The following KLHL1 variants were observed in gnomAD, a reference collection of about 807,000 sequenced individuals.
KLHL1 encodes the protein kelch-like protein 1.
In KLHL1, 47 loss-of-function variants were observed where a neutral mutation model predicts 77.7. The ratio of observed to expected loss-of-function variants is 0.60; its 90% CI spans 0.48 to 0.77. The LOEUF is 0.77. KLHL1 is among the 30% of genes least tolerant of loss of function. KLHL1 has a pLI of 0.00. For synonymous variants in KLHL1, 360 were observed against 325.2 expected (o/e 1.11, Z -1.15); for missense variants, 925 against 910.8 (o/e 1.02, Z -0.20).
chr13:70,033,367 G>A (rs1378736249), intron 1 of KLHL1, among the ~76,000 whole-genome samples: 1 of 152,074 alleles, frequency 6.6e-6, no homozygotes, highest in East Asian at 1.9e-4. Context: ...TCGGCTCACT[G>A]TAAGCTCCGC....
At chr13:69,982,384 C>T (rs887870464) in intron 1 of KLHL1, among the ~76,000 whole-genome samples, 1 of 149,430 alleles carries the variant, frequency 6.7e-6, no homozygotes, top group African/African-American at 2.5e-5. Context: ...TGCAGTGAGC[C>T]AAGATTGCAC....
At chr13:69,913,145 C>G (rs1050743839) in intron 4 of KLHL1, among the ~76,000 whole-genome samples, 13 of 152,182 alleles carry the variant, frequency 8.5e-5, no homozygotes, top group East Asian at 7.7e-4. Context: ...AGGTCTCATA[C>G]AGATTAAGAC....
intron 5 of KLHL1, among the ~76,000 whole-genome samples, chr13:69,843,830 G>T (rs1347471848): frequency 6.6e-6 from 1 of 151,488 alleles, no homozygotes; most frequent in African/African-American, 2.4e-5. Flanking sequence ...TATACTTTAA[G>T]TTCTAGGGTA....
intron 5 of KLHL1, among the ~76,000 whole-genome samples, chr13:69,855,363 CATAG>C (rs1879862626): frequency 7.1e-6 from 1 of 139,868 alleles, no homozygotes; most frequent in African/African-American, 3.0e-5. Flanking sequence ...CAGATAGATA[CATAG>C]AGAGATAGAT....
At position 70,101,746 on chromosome 13, in the gene KLHL1, C is replaced by G. The variant is rs548385139; in HGVS notation, c.497+5457G>C. Among the ~76,000 whole-genome samples, 35 of 152,150 alleles carry G rather than the reference C, an allele frequency of 2.3e-4. 1 individual carries two copies. Among genetic ancestry groups the G allele is most frequent in the African/African-American group, 8.2e-4 (34 of 41,522 alleles). ...ACCTGGCCAACAGCCCTATTTCTTA[C>G]GATTGTTTTAGTTTCTCTAAAGCAC... On this transcript the variant is annotated intron_variant, in intron 1 of 10. Transcript: ENST00000377844.
chr13:69,796,859 G>A lies in KLHL1; in HGVS notation c.1518C>T (p.Asp506=). 1 of 1,614,106 alleles carries A rather than the reference G, an allele frequency of 6.2e-7. No homozygotes were observed. The highest frequency in any genetic ancestry group is 1.3e-5 in the African/African-American group (1 of 75,026). Residue 506 remains aspartate (D), a synonymous_variant, in exon 7 of 11, where the codon GAC becomes GAT. Transcript: ENST00000377844. ...RLQFGVAVID[D]KLFVIGGRDG... ...CTCGACCTCCAATTACAAAGAGTTT[G>A]TCATCAATAACAGCCACACCAAACT... is the stretch of plus-strand genomic sequence containing the variant.
chr13:69,797,104 G>A, intron 6 of KLHL1, 142 bp from the exon 7 acceptor site: 2 of 651,128 alleles, frequency 3.1e-6, no homozygotes, highest in Non-Finnish European at 5.3e-6. Flanking sequence ...AAAACAAAAG[G>A]AGTAGTAATT....
chr13:70,067,249 C>T (rs896797905), intron 1 of KLHL1, among the ~76,000 whole-genome samples: 6 of 152,106 alleles, frequency 3.9e-5, no homozygotes, highest in African/African-American at 1.4e-4. Flanking sequence ...GTGAAAGTAC[C>T]CTCTACTCAT....
intron 3 of KLHL1, among the ~76,000 whole-genome samples, chr13:69,954,082 C>T (rs796385035): frequency 1.1e-4 from 16 of 151,264 alleles, no homozygotes; most frequent in African/African-American, 3.4e-4. Context: ...AATGGAGAAG[C>T]CCAAGAGATA....
At chr13:69,730,676 A>T (rs1405482721) in intron 8 of KLHL1, among the ~76,000 whole-genome samples, 1 of 151,958 alleles carries the variant, frequency 6.6e-6, no homozygotes, top group Non-Finnish European at 1.5e-5. Flanking sequence ...GATTCAAGTA[A>T]TCCTCTCACC....
chr13:70,027,649 G>GTT (rs1185282462), intron 1 of KLHL1, among the ~76,000 whole-genome samples: 4 of 109,334 alleles, frequency 3.7e-5, no homozygotes, highest in East Asian at 2.8e-4. Context: ...CAAAATGTAA[G>GTT]TTGTTTTTTT....
chr13:69,979,930 A>G (rs1884659455), intron 1 of KLHL1, among the ~76,000 whole-genome samples: 1 of 152,180 alleles, frequency 6.6e-6, no homozygotes, highest in South Asian at 2.1e-4. Context: ...TCTTAACTTC[A>G]GTTCCTGACC....
intron 6 of KLHL1, among the ~76,000 whole-genome samples, chr13:69,834,346 TA>T (rs565424961): frequency 1.3e-5 from 2 of 151,758 alleles, no homozygotes; most frequent in African/African-American, 4.8e-5. Flanking sequence ...ATCTATTACT[TA>T]AAAAAAATCA....
chr13:69,992,354 T>C (rs1566480180), intron 1 of KLHL1, among the ~76,000 whole-genome samples: 2 of 152,036 alleles, frequency 1.3e-5, no homozygotes, highest in South Asian at 2.1e-4. Flanking sequence ...GGAAGACTAA[T>C]AATGACCAAA....
intron 6 of KLHL1, among the ~76,000 whole-genome samples, chr13:69,838,083 G>GATT (rs1176830493): frequency 6.6e-6 from 1 of 151,582 alleles, no homozygotes; most frequent in Non-Finnish European, 1.5e-5. Flanking sequence ...AAATGAGAAT[G>GATT]TGTCATTCTC....
At chr13:69,809,544 A>C (rs1273674461) in intron 6 of KLHL1, among the ~76,000 whole-genome samples, 1 of 152,144 alleles carries the variant, frequency 6.6e-6, no homozygotes, top group Non-Finnish European at 1.5e-5. Context: ...GCTCTATGAG[A>C]GATGCTTAAG....
chr13:69,802,547 A>C (rs9572292), intron 6 of KLHL1, among the ~76,000 whole-genome samples: 60,700 of 151,798 alleles, frequency 0.4, 12,595 homozygotes, highest in African/African-American at 0.51. Flanking sequence ...ACACCCTGGG[A>C]CTGGTAGTTA....
In KLHL1 at chr13:69,961,770, AC is replaced by A. The variant is rs540763900; in HGVS notation, c.681-327del. Among the ~76,000 whole-genome samples the A allele has an allele frequency of 6.9e-3, 1,046 of 151,938 alleles. 9 individuals carry two copies. Among genetic ancestry groups the A allele is most frequent in the African/African-American group, 0.023 (968 of 41,466 alleles). On this transcript the variant is annotated intron_variant, in intron 2 of 10. Transcript: ENST00000377844. ...TCACCATGCTAACTTTCCCCCCTAAACTATCGTGAATTTGAACGCATAACAT... is the reference window on the plus strand; with the variant it reads ...TCACCATGCTAACTTTCCCCCCTAAATATCGTGAATTTGAACGCATAACAT...
At chr13:69,979,624 T>A (rs980737582) in intron 1 of KLHL1, among the ~76,000 whole-genome samples, 6 of 152,132 alleles carry the variant, frequency 3.9e-5, no homozygotes, top group Non-Finnish European at 8.8e-5. Flanking sequence ...GTACATCAGT[T>A]GAAAAAAACT....
Sources: allele counts gnomAD v4.1 joint callset (sites outside exome capture counted in the v4.1 genomes callset), GRCh38; gene constraint gnomAD v4.1.1; transcripts MANE v1.5; gene names NCBI Gene and HGNC (gene_info 2026-07-23, HGNC 2026-07-21).